The following KITLG variants were observed in gnomAD, a reference collection of about 807,000 sequenced individuals.
The protein encoded by KITLG is c-Kit ligand.
Under a neutral mutation model 34.1 loss-of-function variants are expected in KITLG, and 13 were observed. The observed-to-expected ratio is 0.38, with a 90% CI of 0.25 to 0.61. KITLG has a LOEUF of 0.61. KITLG is among the 20% of genes least tolerant of loss of function. KITLG has a pLI of 0.60. For missense variants in KITLG, 292 were observed against 318.9 expected, an observed-to-expected ratio of 0.92 and a Z score of 0.64; for synonymous variants, 110 against 104.0, an observed-to-expected ratio of 1.06 and a Z score of -0.35.
chr12:88,570,946 C>T (rs1056438523), intron 1 of KITLG, among the ~76,000 whole-genome samples: 8 of 151,970 alleles, frequency 5.3e-5, no homozygotes, highest in Non-Finnish European at 1.2e-4. Flanking sequence ...TGTCTTTGGC[C>T]TACTTTGTTA....
intron 2 of KITLG, among the ~76,000 whole-genome samples, chr12:88,536,949 T>C (rs11104937): frequency 0.088 from 13,436 of 152,142 alleles, 630 homozygotes; most frequent in Non-Finnish European, 0.1. Flanking sequence ...AAACTGCACG[T>C]TCTGCACTTG....
chr12:88,534,806 T>C lies in KITLG; in HGVS notation c.130-2303A>G, dbSNP rs1870247703. On this transcript the variant is annotated intron_variant, in intron 2 of 9. Transcript: ENST00000644744. ...TTCCACCAAGCTTCCATAATTTCTT[T>C]TCTCTTCTTAATCTTCATCCTCATC... is the stretch of plus-strand genomic sequence containing the variant. 9 of 404,296 alleles carry C rather than the reference T, an allele frequency of 2.2e-5. 1 individual carries two copies. Among genetic ancestry groups the C allele is most frequent in the South Asian group, 1.6e-4 (9 of 54,810 alleles). The allele number at this position is 404,296 out of a possible 1,614,324, so 25.0% of individuals were successfully genotyped here.
chr12:88,505,367 C>T, intron 8 of KITLG, 132 bp from the exon 9 acceptor site: 1 of 701,446 alleles, frequency 1.4e-6, no homozygotes, highest in Non-Finnish European at 2.6e-6. Context: ...GAATGGGGAG[C>T]CTACCTTCTT....
rs539907647 is a variant in KITLG, at chr12:88,535,424, T to G, written c.130-2921A>C. On this transcript the variant is annotated intron_variant, in intron 2 of 9. Transcript: ENST00000644744. ...TACCACAACCCCATGAGAGATTATA[T>G]TAAGCTTATTTTACAAATGAGGTCA... Among the ~76,000 whole-genome samples, 6 of 152,278 alleles carry G rather than the reference T, an allele frequency of 3.9e-5. No individual in the cohort carries two copies. In the South Asian group the frequency reaches 1.2e-3, roughly 32 times the overall value.
chr12:88,526,415 A>G (rs912412142), intron 3 of KITLG, among the ~76,000 whole-genome samples: 1 of 152,328 alleles, frequency 6.6e-6, no homozygotes, highest in South Asian at 2.1e-4. Flanking sequence ...CTAAGTTCAA[A>G]TCTGTGCCTC....
chr12:88,553,061 C>A (rs12313877), intron 1 of KITLG, among the ~76,000 whole-genome samples: 3 of 152,172 alleles, frequency 2.0e-5, no homozygotes, highest in South Asian at 4.1e-4. Flanking sequence ...GTAAAACTTT[C>A]TGAGAAAAGA....
chr12:88,567,341 T>C (rs907630385), intron 1 of KITLG, among the ~76,000 whole-genome samples: 2 of 152,188 alleles, frequency 1.3e-5, no homozygotes, highest in Admixed American at 6.5e-5. Context: ...AAACAAACTT[T>C]GTATTACAAA....
At chr12:88,552,350 C>CT (rs59304422) in intron 1 of KITLG, among the ~76,000 whole-genome samples, 3,367 of 141,656 alleles carry the variant, frequency 0.024, 99 homozygotes, top group African/African-American at 0.075. Context: ...TTTTTCTTTT[C>CT]TTTTTTTTTT....
chr12:88,539,101 TAACTC>T (rs957110139), intron 2 of KITLG, among the ~76,000 whole-genome samples: 13 of 152,030 alleles, frequency 8.6e-5, no homozygotes, highest in Admixed American at 3.9e-4. Flanking sequence ...AGAAGAAAAA[TAACTC>T]AAAGTCAGAA....
chr12:88,537,288 C>A (rs1425896826), intron 2 of KITLG, among the ~76,000 whole-genome samples: 5 of 151,826 alleles, frequency 3.3e-5, no homozygotes, highest in Non-Finnish European at 7.4e-5. Context: ...GAATACTATG[C>A]AGCCACAAAA....
chr12:88,568,285 AT>A lies in KITLG; in HGVS notation c.15+11978del, dbSNP rs1453297268. On this transcript the variant is annotated intron_variant, in intron 1 of 9. Transcript: ENST00000644744. ...ACAATTTCCACATATTATCTCATTTATTTATTTATTTATTTATTTATTTATT... is the reference window on the plus strand; with the variant it reads ...ACAATTTCCACATATTATCTCATTTATTATTTATTTATTTATTTATTTATT... Among the ~76,000 whole-genome samples, 150 of 12,770 alleles carry A rather than the reference AT, an allele frequency of 0.012. 4 individuals carry two copies. The South Asian group carries it at 0.43, about 37-fold the overall frequency. 8.4% of individuals were successfully genotyped at this position (12,770 alleles called of 152,430 possible).
At chr12:88,529,036 A>G (rs1555254977) in intron 3 of KITLG, among the ~76,000 whole-genome samples, 1 of 152,202 alleles carries the variant, frequency 6.6e-6, no homozygotes, top group Non-Finnish European at 1.5e-5. Flanking sequence ...TGTAAAGTTG[A>G]GCTGATGAAT....
At chr12:88,546,434 T>C (rs545139881) in intron 1 of KITLG, among the ~76,000 whole-genome samples, 12 of 152,210 alleles carry the variant, frequency 7.9e-5, no homozygotes, top group Non-Finnish European at 1.5e-4. Context: ...AAGGAAAATA[T>C]TTCCTTAGCC....
intron 9 of KITLG, among the ~76,000 whole-genome samples, chr12:88,502,832 A>G (rs1868913298): frequency 6.6e-6 from 1 of 152,082 alleles, no homozygotes; most frequent in Non-Finnish European, 1.5e-5. Flanking sequence ...TTAAGACTCA[A>G]TTAACCATTT....
intron 2 of KITLG, 150 bp downstream of exon 2, chr12:88,545,602 T>C (rs928061155): frequency 1.8e-5 from 11 of 604,288 alleles, no homozygotes; most frequent in Admixed American, 3.0e-5. Flanking sequence ...CTGCTTTCTA[T>C]AAACCCTTTA....
At chr12:88,502,298 TATTA>T (rs1377992596) in intron 9 of KITLG, among the ~76,000 whole-genome samples, 1 of 152,230 alleles carries the variant, frequency 6.6e-6, no homozygotes, top group Non-Finnish European at 1.5e-5. Flanking sequence ...AAAAATAATT[TATTA>T]GTTAATTTCT....
At chr12:88,499,853 T>A (rs1354570138) in intron 9 of KITLG, among the ~76,000 whole-genome samples, 1 of 152,158 alleles carries the variant, frequency 6.6e-6, no homozygotes, top group Non-Finnish European at 1.5e-5. Flanking sequence ...TGTCATTCTC[T>A]CTCACATCTT....
chr12:88,504,941 T>C (rs1416779629), intron 9 of KITLG, among the ~76,000 whole-genome samples: 2 of 122,540 alleles, frequency 1.6e-5, no homozygotes, highest in East Asian at 2.5e-4. Context: ...GGACACAGGG[T>C]AGGGAACACC....
chr12:88,537,473 C>T (rs1164181012), intron 2 of KITLG, among the ~76,000 whole-genome samples: 1 of 151,724 alleles, frequency 6.6e-6, no homozygotes, highest in Non-Finnish European at 1.5e-5. Context: ...CCAGGGACAA[C>T]TAGATAGGAA....
Sources: gnomAD v4.1 joint callset for allele counts (sites outside exome capture counted in the v4.1 genomes callset) on GRCh38, gnomAD v4.1.1 for gene constraint, MANE v1.5 for transcripts, NCBI Gene and HGNC (gene_info 2026-07-23, HGNC 2026-07-21) for gene names.